Variants in UNC13C observed in about 807,000 individuals in gnomAD.
The protein encoded by UNC13C is unc-13 homolog C, also known as protein unc-13 homolog C.
Under a neutral mutation model 245.4 loss-of-function variants are expected in UNC13C, and 174 were observed. That is an observed-to-expected ratio of 0.71 (90% CI 0.63 to 0.80). The LOEUF is 0.80. Ranked by LOEUF, UNC13C falls within the 30% of genes least tolerant of loss-of-function variation. The pLI is 0.00. For missense variants in UNC13C, 2,829 were observed against 2,602.9 expected, an observed-to-expected ratio of 1.09 and a Z score of -1.89; for synonymous variants, 992 against 895.1, an observed-to-expected ratio of 1.11 and a Z score of -1.93.
At chr15:54,017,025 T>G (rs1446745687) in intron 2 of UNC13C, among the ~76,000 whole-genome samples, 1 of 152,220 alleles carries the variant, frequency 6.6e-6, no homozygotes, top group African/African-American at 2.4e-5. Flanking sequence ...ATTTTGTGGT[T>G]GATGTGAGTA....
chr15:54,138,429 CTG>C (rs35067728), intron 2 of UNC13C, among the ~76,000 whole-genome samples: 55,484 of 151,380 alleles, frequency 0.37, 10,179 homozygotes, highest in Admixed American at 0.39. Context: ...CTATATATAA[CTG>C]TTTTTGTTTT....
intron 2 of UNC13C, among the ~76,000 whole-genome samples, chr15:54,137,229 T>G (rs1472374558): frequency 6.6e-6 from 1 of 152,234 alleles, no homozygotes; most frequent in African/African-American, 2.4e-5. Flanking sequence ...ATCCTTTTAC[T>G]GTGCCATTGA....
chr15:53,929,952 T>C, the UNC13C span, among the ~76,000 whole-genome samples: 1 of 152,192 alleles, frequency 6.6e-6, no homozygotes, highest in East Asian at 1.9e-4. Context: ...TATCTTACTG[T>C]GTAACAAACT....
At chr15:54,287,059 T>C (rs62011996) in intron 10 of UNC13C, among the ~76,000 whole-genome samples, 4,376 of 152,310 alleles carry the variant, frequency 0.029, 93 homozygotes, top group East Asian at 0.075. Flanking sequence ...TCTTAATTTC[T>C]GTTGATAAAA....
chr15:54,270,269 C>T (rs755024854), intron 10 of UNC13C, among the ~76,000 whole-genome samples: 13 of 152,196 alleles, frequency 8.5e-5, no homozygotes, highest in Non-Finnish European at 1.9e-4. Context: ...AATGTATACA[C>T]ATCACAGATG....
At chr15:54,133,492 CT>C (rs2031550243) in intron 2 of UNC13C, among the ~76,000 whole-genome samples, 1 of 152,122 alleles carries the variant, frequency 6.6e-6, no homozygotes, top group Non-Finnish European at 1.5e-5. Context: ...TACAAACTTA[CT>C]TTAATCCCAT....
chr15:54,442,819 G>A (rs969808221), intron 19 of UNC13C, among the ~76,000 whole-genome samples: 2 of 151,962 alleles, frequency 1.3e-5, no homozygotes, highest in African/African-American at 2.4e-5. Context: ...TTGTTAGCTG[G>A]TATTTTGTCG....
intron 7 of UNC13C, among the ~76,000 whole-genome samples, chr15:54,240,732 G>T (rs2035829261): frequency 6.6e-6 from 1 of 152,152 alleles, no homozygotes; most frequent in African/African-American, 2.4e-5. Flanking sequence ...TATGATTTCT[G>T]AAAATTTCCA....
Position 54,397,422 on chromosome 15 carries a change from C to G in UNC13C, c.4847+4241C>G, listed in dbSNP as rs796785259. The stretch of plus-strand genomic sequence containing the variant: ...TTACACCAGTACTGCATGTCTTGGT[C>G]ACTATCATTTTCTAACATATTTTGA... On this transcript the variant is annotated intron_variant, in intron 18 of 32. Coordinates refer to ENST00000260323, the MANE Select transcript of UNC13C (RefSeq NM_001080534.3). Among the ~76,000 whole-genome samples the G allele has an allele frequency of 7.9e-5, 12 of 151,574 alleles. 1 individual carries two copies. Among genetic ancestry groups the G allele is most frequent in the African/African-American group, 2.9e-4 (12 of 41,510 alleles).
chr15:54,552,541 A>G (rs1183881989), intron 28 of UNC13C, among the ~76,000 whole-genome samples: 1 of 87,386 alleles, frequency 1.1e-5, no homozygotes, highest in African/African-American at 5.1e-5. Context: ...ATATAATTAT[A>G]TATTATATTG....
chr15:53,843,496 G>A, the UNC13C span, among the ~76,000 whole-genome samples: 5 of 151,918 alleles, frequency 3.3e-5, no homozygotes, highest in Non-Finnish European at 7.4e-5. Context: ...CTTTAGGGTG[G>A]CTCTTTTTTT....
At chr15:54,217,826 A>G (rs543106956) in intron 4 of UNC13C, among the ~76,000 whole-genome samples, 1 of 151,964 alleles carries the variant, frequency 6.6e-6, no homozygotes, top group South Asian at 2.1e-4. Flanking sequence ...AACCCTCTTT[A>G]GTGTGAGGTC....
Position 54,608,075 on chromosome 15 carries a change from A to G in UNC13C, c.6107-14252A>G, listed in dbSNP as rs145527164. Among the ~76,000 whole-genome samples the G allele has an allele frequency of 1.2e-4, 19 of 152,328 alleles. No homozygotes were observed. The East Asian group carries it at 3.5e-3, about 28-fold the overall frequency. On this transcript the variant is annotated intron_variant, in intron 30 of 32. Transcript: ENST00000260323. ...TGAAGTTCAAGATTTTTAGAAGACA[A>G]TAGCATTACGGGATAAGTCAGAAAA...
At chr15:54,010,986 C>T (rs185665888) in intron 1 of UNC13C, among the ~76,000 whole-genome samples, 8 of 151,998 alleles carry the variant, frequency 5.3e-5, no homozygotes, top group African/African-American at 1.4e-4. Context: ...GCCAATTCTT[C>T]GATAAAGAGT....
the UNC13C span, among the ~76,000 whole-genome samples, chr15:53,969,598 G>A: frequency 1.3e-5 from 2 of 150,158 alleles, no homozygotes; most frequent in African/African-American, 4.9e-5. Context: ...AGGCAGGAGG[G>A]TTGCTTGAGC....
In UNC13C at chr15:54,415,031, A is replaced by T; in HGVS notation, c.4897A>T (p.Thr1633Ser). Reference sequence around the variant, plus strand: ...AAAAATAAGTGCCGAAATTATGTGGACTCTTTTTGCTCTGGATATGAAATA... The same window carrying T: ...AAAAATAAGTGCCGAAATTATGTGGTCTCTTTTTGCTCTGGATATGAAATA... ...MGKISAEIMW[T>S]LFALDMKYAL... Residue 1633 changes from threonine to serine, a missense_variant, in exon 19 of 33, where the codon ACT (threonine) becomes TCT (serine). Thr to Ser is a moderately conservative substitution (Grantham distance 58). Coordinates refer to ENST00000260323, the MANE Select transcript of UNC13C (RefSeq NM_001080534.3). 6.2e-7 allele frequency: 1 copy of T among 1,612,460 alleles called. No homozygotes were observed. Among genetic ancestry groups the T allele is most frequent in the Admixed American group, 1.7e-5 (1 of 59,834 alleles).
chr15:54,606,734 C>T (rs186705284), intron 30 of UNC13C, among the ~76,000 whole-genome samples: 19 of 152,282 alleles, frequency 1.2e-4, no homozygotes, highest in African/African-American at 3.4e-4. Context: ...GAGTTAGGAG[C>T]TAAATCTCAG....
chr15:54,413,830 A>G (rs1392311416), intron 18 of UNC13C, among the ~76,000 whole-genome samples: 1 of 152,164 alleles, frequency 6.6e-6, no homozygotes, highest in African/African-American at 2.4e-5. Context: ...TCGAACCCCC[A>G]AATGTGGATG....
At chr15:53,968,416 A>G in the UNC13C span, among the ~76,000 whole-genome samples, 1 of 152,192 alleles carries the variant, frequency 6.6e-6, no homozygotes, top group Non-Finnish European at 1.5e-5. Context: ...CCACAGAAAT[A>G]TAGAATGTAT....
Sources: allele counts gnomAD v4.1 joint callset (sites outside exome capture counted in the v4.1 genomes callset), GRCh38; gene constraint gnomAD v4.1.1; transcripts MANE v1.5; gene names NCBI Gene and HGNC (gene_info 2026-07-23, HGNC 2026-07-21).